RPH3AL: variants seen among roughly 807,000 people sequenced by gnomAD.
The protein encoded by RPH3AL is rab effector Noc2.
RPH3AL carries 38 observed loss-of-function variants against 43.1 expected under a neutral mutation model. That is an observed-to-expected ratio of 0.88 (90% CI 0.68 to 1.15). The LOEUF is 1.15. Among genes scored for constraint, RPH3AL ranks in the 50% most tolerant of loss-of-function variants. The pLI is 0.00. For synonymous variants in RPH3AL, 189 were observed against 176.3 expected, an observed-to-expected ratio of 1.07 and a Z score of -0.57; for missense variants, 462 against 423.2, an observed-to-expected ratio of 1.09 and a Z score of -0.81.
At chr17:351,942 G>A (rs887895166) in intron 1 of RPH3AL, among the ~76,000 whole-genome samples, 4 of 152,160 alleles carry the variant, frequency 2.6e-5, no homozygotes, top group Middle Eastern at 3.2e-3. Context: ...CAAGGGTCCC[G>A]AAACGGGCCC....
intron 1 of RPH3AL, among the ~76,000 whole-genome samples, chr17:344,453 C>G (rs2045198653): frequency 7.9e-6 from 1 of 126,868 alleles, no homozygotes; most frequent in African/African-American, 2.9e-5. Context: ...ACATCATCAC[C>G]ACTATCATGA....
At chr17:291,388 TA>T (rs1206047519) in intron 5 of RPH3AL, among the ~76,000 whole-genome samples, 1 of 152,076 alleles carries the variant, frequency 6.6e-6, no homozygotes, top group Non-Finnish European at 1.5e-5. Context: ...CATCTCATTT[TA>T]AAAAATAATA....
At chr17:286,289 C>T (rs2042909396) in intron 5 of RPH3AL, among the ~76,000 whole-genome samples, 1 of 152,194 alleles carries the variant, frequency 6.6e-6, no homozygotes, top group South Asian at 2.1e-4. Context: ...GCCCACGAAC[C>T]TCTGCCTTCC....
At chr17:348,756 T>C (rs1164336904) in intron 1 of RPH3AL, among the ~76,000 whole-genome samples, 1 of 152,182 alleles carries the variant, frequency 6.6e-6, no homozygotes, top group Non-Finnish European at 1.5e-5. Context: ...AGGTACGTAC[T>C]GTCCATGCCT....
In RPH3AL at chr17:290,921, C is replaced by A. The variant is rs116750572; in HGVS notation, c.352-9067G>T. 3.1e-3 allele frequency among the ~76,000 whole-genome samples: 479 copies of A among 152,248 alleles called. 2 individuals are homozygous for A. The highest frequency in any genetic ancestry group is 0.011 in the African/African-American group (455 of 41,530). ...GAGAGGGCTGTTCATGAGCCTCACT[C>A]GACCGAAAAGGGTGAAACTGCGCTC... On this transcript the variant is annotated intron_variant, in intron 5 of 9. Coordinates refer to ENST00000331302, the MANE Select transcript of RPH3AL (RefSeq NM_006987.4). This position sits in a 1 kb window ranked among gnomAD's most constrained non-coding sequence, Gnocchi z 4.2.
intron 6 of RPH3AL, among the ~76,000 whole-genome samples, chr17:273,116 A>T (rs1426100359): frequency 1.4e-5 from 1 of 72,638 alleles, no homozygotes; most frequent in African/African-American, 4.1e-5. Flanking sequence ...GAGAGACCCC[A>T]GCGAGGGTGA....
intron 5 of RPH3AL, among the ~76,000 whole-genome samples, chr17:292,441 A>T (rs2043068834): frequency 6.6e-6 from 1 of 152,270 alleles, no homozygotes; most frequent in Non-Finnish European, 1.5e-5. Flanking sequence ...GCACCAAGCT[A>T]GCTGTTTTAT....
intron 6 of RPH3AL, among the ~76,000 whole-genome samples, chr17:267,688 G>A (rs934551273): frequency 1.3e-5 from 2 of 152,200 alleles, no homozygotes; most frequent in Non-Finnish European, 2.9e-5. Flanking sequence ...GCTGGGGAAA[G>A]CCTCTAGTTC....
At chr17:230,816 C>G (rs1311289009) in intron 7 of RPH3AL, among the ~76,000 whole-genome samples, 11 of 152,166 alleles carry the variant, frequency 7.2e-5, no homozygotes, top group Admixed American at 5.9e-4. Flanking sequence ...GTTCTTCCAC[C>G]TCATCTCTTT....
chr17:298,771 A>G (rs1340284654), intron 5 of RPH3AL, among the ~76,000 whole-genome samples: 1 of 152,172 alleles, frequency 6.6e-6, no homozygotes, highest in African/African-American at 2.4e-5. Flanking sequence ...TCTGAAAAAT[A>G]CAGCAGACTA....
At chr17:329,506 G>C (rs1268046257) in intron 2 of RPH3AL, among the ~76,000 whole-genome samples, 2 of 152,122 alleles carry the variant, frequency 1.3e-5, no homozygotes, top group African/African-American at 4.8e-5. Flanking sequence ...ATATATTCTT[G>C]AGAACTCCAA....
chr17:223,862 G>A (rs1446764460), intron 7 of RPH3AL, among the ~76,000 whole-genome samples: 1 of 152,174 alleles, frequency 6.6e-6, no homozygotes, highest in Non-Finnish European at 1.5e-5. Flanking sequence ...TCAACCCTGT[G>A]CACCCGCAGC....
chr17:329,736 C>A (rs2044704940), intron 2 of RPH3AL, among the ~76,000 whole-genome samples: 3 of 152,178 alleles, frequency 2.0e-5, no homozygotes. Flanking sequence ...AACAGCTGGA[C>A]CTTCATATCT....
At position 322,715 on chromosome 17, in the gene RPH3AL, CT is replaced by C. The variant is rs1349636356; in HGVS notation, c.78-1301del. On this transcript the variant is annotated intron_variant, in intron 3 of 9. Transcript: ENST00000331302. This position sits in a 1 kb window ranked among gnomAD's most constrained non-coding sequence, Gnocchi z 4.0. ...AGGCGGACCCTTTCCTGGGGGCCCC[CT>C]GACACAAGATGGGCCCCGGTGGTCT... is the stretch of plus-strand genomic sequence containing the variant. 6.6e-6 allele frequency among the ~76,000 whole-genome samples: 1 copy of C among 152,110 alleles called. No homozygotes were observed. The highest frequency in any genetic ancestry group is 2.4e-5 in the African/African-American group (1 of 41,390).
In RPH3AL at chr17:245,142, T is replaced by C. The variant is rs1035486499; in HGVS notation, c.613+1969A>G. Among the ~76,000 whole-genome samples, 6 of 151,678 alleles carry C rather than the reference T, an allele frequency of 4.0e-5. No individual in the cohort carries two copies. Among genetic ancestry groups the C allele is most frequent in the African/African-American group, 1.2e-4 (5 of 41,198 alleles). ...GTGTGTGTGGATGTGTGTGTCCATG[T>C]GGATGTGTGTGTGCACATGGATGTG... is the stretch of plus-strand genomic sequence containing the variant. On this transcript the variant is annotated intron_variant, in intron 7 of 9. Transcript: ENST00000331302. The surrounding 1 kb of genome is among the most constrained non-coding windows in gnomAD (Gnocchi z 5.9).
chr17:320,762 T>C (rs2044446105), intron 4 of RPH3AL, among the ~76,000 whole-genome samples: 1 of 152,254 alleles, frequency 6.6e-6, no homozygotes. Flanking sequence ...TCAGATTTTC[T>C]AGGAAATATG....
chr17:267,883 G>C (rs569930798), intron 6 of RPH3AL, among the ~76,000 whole-genome samples: 1 of 152,282 alleles, frequency 6.6e-6, no homozygotes, highest in African/African-American at 2.4e-5. Flanking sequence ...GCCCGTGAAA[G>C]CTAGCAAATC....
intron 5 of RPH3AL, among the ~76,000 whole-genome samples, chr17:315,123 T>A (rs112437705): frequency 8.2e-6 from 1 of 122,278 alleles, no homozygotes; most frequent in Admixed American, 8.0e-5. Flanking sequence ...CATTGACCTG[T>A]AGTCTCTGTG....
At chr17:266,900 C>T (rs1197703723) in intron 6 of RPH3AL, among the ~76,000 whole-genome samples, 1 of 152,234 alleles carries the variant, frequency 6.6e-6, no homozygotes, top group African/African-American at 2.4e-5. Flanking sequence ...TGTTGCCCAA[C>T]GCTGGCTCCC....
Sources: allele counts gnomAD v4.1 joint callset (sites outside exome capture counted in the v4.1 genomes callset), GRCh38; gene constraint gnomAD v4.1.1; non-coding constraint Gnocchi (gnomAD v3.1); transcripts MANE v1.5; gene names NCBI Gene and HGNC (gene_info 2026-07-23, HGNC 2026-07-21).